RC3H1: variants seen among roughly 807,000 people sequenced by gnomAD.
RC3H1 encodes roquin-1.
A neutral mutation model predicts 138.2 loss-of-function variants in RC3H1; 50 were observed. That is an observed-to-expected ratio of 0.36 (90% confidence interval 0.29 to 0.46). RC3H1 has a LOEUF of 0.46. RC3H1 is among the 20% of genes least tolerant of loss of function. RC3H1 has a pLI of 1.00. For synonymous variants in RC3H1, 462 were observed against 489.1 expected, an observed-to-expected ratio of 0.94 and a Z score of 0.73; for missense variants, 1,031 against 1,388.1, an observed-to-expected ratio of 0.74 and a Z score of 4.09.
intron 13 of RC3H1, among the ~76,000 whole-genome samples, chr1:173,955,743 T>C (rs890996559): frequency 2.6e-5 from 4 of 152,152 alleles, no homozygotes; most frequent in African/African-American, 4.8e-5. Context: ...TAAGGAGATA[T>C]TTATTTAGCC....
intron 1 of RC3H1, among the ~76,000 whole-genome samples, chr1:174,014,542 A>C (rs1203253481): frequency 6.6e-6 from 1 of 152,228 alleles, no homozygotes; most frequent in African/African-American, 2.4e-5. Context: ...AGTTAACCCT[A>C]AACTATATAA....
intron 1 of RC3H1, among the ~76,000 whole-genome samples, chr1:174,005,518 C>A (rs1253748709): frequency 6.6e-6 from 1 of 152,084 alleles, no homozygotes; most frequent in Non-Finnish European, 1.5e-5. Flanking sequence ...GAAAGATTGT[C>A]TCAATTGAAT....
chr1:174,022,250 C>T lies in RC3H1; in HGVS notation c.-305G>A, dbSNP rs1353653203. ...GCCGCCGCCACCGCCAGCACCGCCT[C>T]CGGCCTCCCACCTGCTGCTGCTGAG... On this transcript the variant is annotated 5_prime_UTR_variant, in exon 1 of 20. Transcript: ENST00000367696. This position sits in a 1 kb window ranked among gnomAD's most constrained non-coding sequence, Gnocchi z 4.2. 8 of 391,490 alleles carry T rather than the reference C, an allele frequency of 2.0e-5. No individual in the cohort carries two copies. In the East Asian group the frequency reaches 2.9e-4, roughly 14 times the overall value. 24.3% of individuals were successfully genotyped at this position (391,490 alleles called of 1,614,324 possible). A position where few individuals can be genotyped will look rare whatever the true frequency, so the allele number is the denominator to read the frequency against.
intron 6 of RC3H1, among the ~76,000 whole-genome samples, chr1:173,979,990 ACCATAGCCTCC>A (rs1331065712): frequency 1.3e-5 from 2 of 151,396 alleles, no homozygotes; most frequent in African/African-American, 2.4e-5. Flanking sequence ...GGATTCTCCC[ACCATAGCCTCC>A]CAGGTAGCTG....
intron 1 of RC3H1, among the ~76,000 whole-genome samples, chr1:173,999,334 C>T (rs1251348842): frequency 6.7e-6 from 1 of 150,110 alleles, no homozygotes; most frequent in Non-Finnish European, 1.5e-5. Context: ...GAGCCGAGAT[C>T]GTGCCATTGC....
At position 173,993,036 on chromosome 1, in the gene RC3H1, C is replaced by G; in HGVS notation, c.-51G>C. ...CACAAACACACACACAAATCTAAAG[C>G]AAAGATTCCACTGGAATCAAAATCT... On this transcript the variant is annotated 5_prime_UTR_variant, in exon 2 of 20. Coordinates refer to ENST00000367696, the MANE Select transcript of RC3H1 (RefSeq NM_172071.4). 1 of 1,323,824 alleles carries G rather than the reference C, an allele frequency of 7.6e-7. No homozygotes were observed. Among genetic ancestry groups the G allele is most frequent in the Non-Finnish European group, 1.1e-6 (1 of 924,678 alleles). The allele number at this position is 1,323,824 out of a possible 1,614,324, so 82.0% of individuals were successfully genotyped here.
At chr1:174,000,123 A>T (rs1661537750) in intron 1 of RC3H1, among the ~76,000 whole-genome samples, 1 of 152,254 alleles carries the variant, frequency 6.6e-6, no homozygotes, top group Non-Finnish European at 1.5e-5. Context: ...ATTCTATGGT[A>T]TGTAAATTAT....
chr1:174,007,437 T>C (rs530869650), intron 1 of RC3H1, among the ~76,000 whole-genome samples: 2 of 152,190 alleles, frequency 1.3e-5, no homozygotes, highest in East Asian at 3.9e-4. Flanking sequence ...TGTATTCTTT[T>C]GTACTTGGCT....
intron 9 of RC3H1, among the ~76,000 whole-genome samples, chr1:173,969,957 A>G (rs1243235905): frequency 6.6e-6 from 1 of 152,070 alleles, no homozygotes; most frequent in Non-Finnish European, 1.5e-5. Flanking sequence ...CCACTTTTAG[A>G]TTTAGCTAAT....
chr1:173,974,015 A>G (rs995326845), intron 7 of RC3H1, among the ~76,000 whole-genome samples: 7 of 152,164 alleles, frequency 4.6e-5, no homozygotes, highest in African/African-American at 1.7e-4. Context: ...AGAGCTAAGA[A>G]GAGAAGTGGG....
At chr1:174,001,027 C>A (rs1484938487) in intron 1 of RC3H1, among the ~76,000 whole-genome samples, 1 of 151,952 alleles carries the variant, frequency 6.6e-6, no homozygotes, top group African/African-American at 2.4e-5. Context: ...TATGTTAGTA[C>A]AAATGGATAA....
intron 1 of RC3H1, among the ~76,000 whole-genome samples, chr1:174,013,729 A>G (rs1380948370): frequency 1.3e-5 from 2 of 151,918 alleles, no homozygotes; most frequent in African/African-American, 4.8e-5. Flanking sequence ...CACCATGCTC[A>G]GCCACAATGG....
At chr1:174,012,782 C>A in intron 1 of RC3H1, among the ~76,000 whole-genome samples, 1 of 120,248 alleles carries the variant, frequency 8.3e-6, no homozygotes. Context: ...GAGACTCTGT[C>A]TCAAAAAAAA....
At chr1:173,961,686 T>A in intron 12 of RC3H1, 39 bp downstream of exon 12, 1 of 1,552,730 alleles carries the variant, frequency 6.4e-7, no homozygotes, top group Non-Finnish European at 8.7e-7. Flanking sequence ...CAAGCAACAG[T>A]CAAATTAAGT....
intron 7 of RC3H1, among the ~76,000 whole-genome samples, chr1:173,973,317 C>T (rs188275114): frequency 5.3e-5 from 8 of 152,232 alleles, no homozygotes; most frequent in Non-Finnish European, 1.0e-4. Flanking sequence ...GTGGGCAGAT[C>T]ACAAGATCAA....
chr1:173,973,488 A>G (rs1043806301), intron 7 of RC3H1, among the ~76,000 whole-genome samples: 1 of 150,096 alleles, frequency 6.7e-6, no homozygotes, highest in African/African-American at 2.5e-5. Flanking sequence ...GTGAGCCGAG[A>G]TTGCACCACT....
intron 6 of RC3H1, among the ~76,000 whole-genome samples, chr1:173,980,596 C>T (rs930812885): frequency 2.0e-5 from 3 of 151,006 alleles, no homozygotes; most frequent in Non-Finnish European, 4.4e-5. Flanking sequence ...AGTAAAAATA[C>T]AATAAAATAT....
In RC3H1 at chr1:173,965,124, T is replaced by C. The variant is rs1660054686; in HGVS notation, c.1335-4A>G. 5 of 1,605,474 alleles carry C rather than the reference T, an allele frequency of 3.1e-6. No individual in the cohort carries two copies. The highest frequency in any genetic ancestry group is 2.5e-6 in the Non-Finnish European group (3 of 1,176,646). ...GCGCTTATTCATTTTACGAAATCTA[T>C]ATAAAAAGCATAGGCACATATCAAA... On this transcript the variant is annotated splice_region_variant and splice_polypyrimidine_tract_variant and intron_variant, in intron 9 of 19. Coordinates refer to ENST00000367696, the MANE Select transcript of RC3H1 (RefSeq NM_172071.4).
At chr1:174,003,385 T>TCACACA (rs3220994) in intron 1 of RC3H1, among the ~76,000 whole-genome samples, 10,013 of 143,200 alleles carry the variant, frequency 0.07, 447 homozygotes, top group East Asian at 0.23. Context: ...AAGACTCCTA[T>TCACACA]CACACACACA....
Sources: gnomAD v4.1 joint callset for allele counts (sites outside exome capture counted in the v4.1 genomes callset) on GRCh38, gnomAD v4.1.1 for gene constraint, Gnocchi (gnomAD v3.1) non-coding constraint, MANE v1.5 for transcripts, NCBI Gene and HGNC (gene_info 2026-07-23, HGNC 2026-07-21) for gene names.